The following POMT2 variants were observed in gnomAD, a reference collection of about 807,000 sequenced individuals.
The protein encoded by POMT2 is protein O-mannosyltransferase 2, also known as protein O-mannosyl-transferase 2.
In POMT2, 75 loss-of-function variants were observed where a neutral mutation model predicts 100.0. That is an observed-to-expected ratio of 0.75 (90% CI 0.62 to 0.91). The LOEUF (loss-of-function observed/expected upper bound fraction) is 0.91, where lower values mean the gene tolerates loss of function less well. Among genes scored for constraint, POMT2 ranks in the 40% least tolerant of loss-of-function variants. The pLI, the probability that POMT2 is intolerant of heterozygous loss-of-function variation, is 0.00. For synonymous variants in POMT2, 378 were observed against 374.1 expected (o/e 1.01, Z -0.12); for missense variants, 940 against 955.1 (o/e 0.98, Z 0.21).
chr14:77,276,059 T>G lies in POMT2; in HGVS notation c.*1317A>C, dbSNP rs144329117. 5.9e-5 allele frequency: 9 copies of G among 152,472 alleles called. No homozygotes were observed. Among genetic ancestry groups the G allele is most frequent in the Non-Finnish European group, 1.3e-4 (9 of 68,034 alleles). 9.4% of individuals were successfully genotyped at this position (152,472 alleles called of 1,614,324 possible). A position where few individuals can be genotyped will look rare whatever the true frequency, so the allele number is the denominator to read the frequency against. On this transcript the variant is annotated 3_prime_UTR_variant, in exon 21 of 21. Transcript: ENST00000261534. ...AGTGTGGCGGATTCATCATTAAATA[T>G]TGAAGCATCAAAGTCCTCTGAGACA...
At chr14:77,302,516 C>G (rs560863348) in intron 5 of POMT2, among the ~76,000 whole-genome samples, 1 of 152,192 alleles carries the variant, frequency 6.6e-6, no homozygotes, top group Admixed American at 6.5e-5. Flanking sequence ...AGTATTAGGA[C>G]CCCCCATGAT....
At chr14:77,279,447 A>G (rs1183506316) in intron 18 of POMT2, 2 of 454,080 alleles carry the variant, frequency 4.4e-6, no homozygotes, top group Non-Finnish European at 8.7e-6. Flanking sequence ...GGTGGCAGAA[A>G]AGATGGGCAG....
At chr14:77,315,580 C>T (rs1891594074) in intron 1 of POMT2, among the ~76,000 whole-genome samples, 1 of 152,230 alleles carries the variant, frequency 6.6e-6, no homozygotes, top group East Asian at 1.9e-4. Flanking sequence ...ATAGCTGATA[C>T]TGATCCCATA....
intron 3 of POMT2, among the ~76,000 whole-genome samples, chr14:77,306,078 G>T (rs1199709081): frequency 6.6e-6 from 1 of 152,132 alleles, no homozygotes; most frequent in East Asian, 1.9e-4. Flanking sequence ...AGTATACCGG[G>T]GCAGGGCAGC....
chr14:77,283,555 T>G (rs1288846959), intron 15 of POMT2, among the ~76,000 whole-genome samples: 1 of 152,220 alleles, frequency 6.6e-6, no homozygotes, highest in Non-Finnish European at 1.5e-5. Context: ...ATGAGTATAG[T>G]GCTTAGCGTA....
chr14:77,300,065 C>A, intron 6 of POMT2: 1 of 215,622 alleles, frequency 4.6e-6, no homozygotes, highest in Non-Finnish European at 9.4e-6. Flanking sequence ...TGCCTGCTTC[C>A]TTATTTCTCT....
In POMT2 at chr14:77,282,115, G is replaced by A. The variant is rs1211836342; in HGVS notation, c.1654-1652C>T. Among the ~76,000 whole-genome samples, 1 of 152,184 alleles carries A rather than the reference G, an allele frequency of 6.6e-6. No individual in the cohort carries two copies. ...ATCATTCTGGACCCCTGCGGCAGTT[G>A]CTGAGGGAAACCAATTCCTTCAAAT... On this transcript the variant is annotated intron_variant, in intron 15 of 20. Transcript: ENST00000261534.
chr14:77,280,961 G>A (rs1367927663), intron 15 of POMT2, among the ~76,000 whole-genome samples: 1 of 152,110 alleles, frequency 6.6e-6, no homozygotes, highest in East Asian at 1.9e-4. Flanking sequence ...GAGCGTAGCG[G>A]TGGGTGCCTG....
At chr14:77,288,147 CA>C (rs1356231421) in intron 11 of POMT2, among the ~76,000 whole-genome samples, 2 of 152,198 alleles carry the variant, frequency 1.3e-5, no homozygotes, top group African/African-American at 4.8e-5. Context: ...ATTGTGGGAT[CA>C]AAGCAAAAGT....
intron 5 of POMT2, among the ~76,000 whole-genome samples, chr14:77,302,132 A>C (rs1374815200): frequency 6.6e-6 from 1 of 152,224 alleles, no homozygotes; most frequent in East Asian, 1.9e-4. Context: ...GGCTGTGCAA[A>C]GTTAACTTCC....
intron 20 of POMT2, among the ~76,000 whole-genome samples, chr14:77,277,929 C>G (rs1002894867): frequency 6.7e-6 from 1 of 148,432 alleles, no homozygotes; most frequent in Non-Finnish European, 1.5e-5. Context: ...CCGTCGAGAG[C>G]TCTTCCGGCA....
In POMT2 at chr14:77,317,369, T is replaced by C. The variant is rs151287887; in HGVS notation, c.248+3065A>G. ...TTATCTGACTCTGTGTATACCACTG[T>C]GGCCCTTGAAACTAAACTGCCAGGT... is the stretch of plus-strand genomic sequence containing the variant. On this transcript the variant is annotated intron_variant, in intron 1 of 20. Transcript: ENST00000261534. Among the ~76,000 whole-genome samples, 517 of 152,380 alleles carry C rather than the reference T, an allele frequency of 3.4e-3. 5 individuals are homozygous for C. Among genetic ancestry groups the C allele is most frequent in the Middle Eastern group, 0.01 (3 of 294 alleles).
In POMT2 at chr14:77,289,811, A is replaced by G. The variant is rs550376025; in HGVS notation, c.1184-980T>C. Among the ~76,000 whole-genome samples the G allele has an allele frequency of 3.3e-5, 5 of 152,324 alleles. No individual in the cohort carries two copies. The South Asian group carries it at 1.0e-3, about 32-fold the overall frequency. Reference sequence around the variant, plus strand: ...AGACCAATCAGGATCTAGAAAGGTGATGACATGGAAAAGGAGCTGGCAGTA... The same window carrying G: ...AGACCAATCAGGATCTAGAAAGGTGGTGACATGGAAAAGGAGCTGGCAGTA... On this transcript the variant is annotated intron_variant, in intron 10 of 20. Coordinates refer to ENST00000261534, the MANE Select transcript of POMT2 (RefSeq NM_013382.7).
At chr14:77,300,176 A>AAATG (rs57768702) in intron 6 of POMT2, 46,577 of 159,204 alleles carry the variant, frequency 0.29, 7,171 homozygotes, top group East Asian at 0.42. Flanking sequence ...TTTTCTGAAT[A>AAATG]AATGAATGAA....
In POMT2 at chr14:77,284,226, G is replaced by A. The variant is rs542390376; in HGVS notation, c.1577-353C>T. The A allele has an allele frequency of 8.5e-6, 3 of 354,994 alleles. No homozygotes were observed. In the East Asian group the frequency reaches 2.1e-4, roughly 25 times the overall value. The allele number at this position is 354,994 out of a possible 1,614,324, so 22.0% of individuals were successfully genotyped here. The stretch of plus-strand genomic sequence containing the variant: ...CCGAGTCACTGTGGCCCTTTGAAGG[G>A]CCTGGGAATGAGGAATAAATCATTC... On this transcript the variant is annotated intron_variant, in intron 14 of 20. Transcript: ENST00000261534.
At position 77,278,888 on chromosome 14, in the gene POMT2, G is replaced by A. The variant is rs1890092667; in HGVS notation, c.1892-19C>T. 6.2e-7 allele frequency: 1 copy of A among 1,611,408 alleles called. No individual in the cohort carries two copies. The highest frequency in any genetic ancestry group is 1.7e-5 in the Admixed American group (1 of 59,860). Reference sequence around the variant, plus strand: ...GACAACCCTGGGCCCAAGCAGCACAGCCCAGTCAGAAGACAAGGAGCGGGC... The same window carrying A: ...GACAACCCTGGGCCCAAGCAGCACAACCCAGTCAGAAGACAAGGAGCGGGC... On this transcript the variant is annotated intron_variant, in intron 18 of 20. Transcript: ENST00000261534.
chr14:77,288,027 C>A (rs1167939355), intron 11 of POMT2, among the ~76,000 whole-genome samples: 2 of 152,178 alleles, frequency 1.3e-5, no homozygotes, highest in African/African-American at 2.4e-5. Context: ...TTACCCCAAG[C>A]CTTTGGGGGT....
Position 77,288,947 on chromosome 14 carries a change from G to A in POMT2, c.1184-116C>T, listed in dbSNP as rs530885100. 1.1e-4 allele frequency: 99 copies of A among 864,276 alleles called. No homozygotes were observed. In the African/African-American group the frequency reaches 1.5e-3, roughly 13 times the overall value. The allele number at this position is 864,276 out of a possible 1,614,324, so 53.5% of individuals were successfully genotyped here. On this transcript the variant is annotated intron_variant, in intron 10 of 20. Transcript: ENST00000261534. ...TGGTATCTGCTAGAGGTACTAACCAGGTACTCTGAGACCAAAGAGGAAAGA... is the reference window on the plus strand; with the variant it reads ...TGGTATCTGCTAGAGGTACTAACCAAGTACTCTGAGACCAAAGAGGAAAGA...
At chr14:77,302,756 G>A (rs1229233065) in intron 5 of POMT2, 79 bp downstream of exon 5, 47 of 1,201,468 alleles carry the variant, frequency 3.9e-5, no homozygotes, top group Middle Eastern at 2.6e-4. Flanking sequence ...CTGGGCACCC[G>A]CCCTGGCCCT....
Sources: allele counts gnomAD v4.1 joint callset (sites outside exome capture counted in the v4.1 genomes callset), GRCh38; gene constraint gnomAD v4.1.1; transcripts MANE v1.5; gene names NCBI Gene and HGNC (gene_info 2026-07-23, HGNC 2026-07-21).